The following PDS5A variants were observed in gnomAD, a reference collection of about 807,000 sequenced individuals.
PDS5A encodes PDS5 cohesin associated factor A, also known as sister chromatid cohesion protein PDS5 homolog A.
Under a neutral mutation model 167.1 loss-of-function variants are expected in PDS5A, and 42 were observed. That is an observed-to-expected ratio of 0.25 (90% confidence interval 0.20 to 0.33). The LOEUF (loss-of-function observed/expected upper bound fraction) is 0.33, where lower values mean the gene tolerates loss of function less well. Ranked by LOEUF, PDS5A falls within the 10% of genes least tolerant of loss-of-function variation. The pLI is 1.00. For missense variants in PDS5A, 1,033 were observed against 1,605.9 expected (o/e 0.64, Z 6.10); for synonymous variants, 553 against 554.6 (o/e 1.00, Z 0.04).
intron 2 of PDS5A, among the ~76,000 whole-genome samples, chr4:39,972,810 T>C (rs1365207682): frequency 6.6e-6 from 1 of 151,174 alleles, no homozygotes; most frequent in Non-Finnish European, 1.5e-5. Context: ...ACAGTAAAGA[T>C]TACAAGGAAT....
intron 2 of PDS5A, among the ~76,000 whole-genome samples, chr4:39,952,414 A>C (rs1244807575): frequency 6.6e-6 from 1 of 152,180 alleles, no homozygotes; most frequent in African/African-American, 2.4e-5. Context: ...TGTCTAAATG[A>C]GTTAATTATA....
At chr4:39,923,478 T>C (rs961395909) in intron 5 of PDS5A, among the ~76,000 whole-genome samples, 1 of 151,880 alleles carries the variant, frequency 6.6e-6, no homozygotes, top group African/African-American at 2.4e-5. Flanking sequence ...GGCAAAACCC[T>C]GTCTCTACAA....
At chr4:39,865,767 C>T (rs577941955) in intron 23 of PDS5A, among the ~76,000 whole-genome samples, 12 of 152,368 alleles carry the variant, frequency 7.9e-5, no homozygotes, top group African/African-American at 2.4e-4. Context: ...TACCAAAGTG[C>T]TGGGATTACA....
At chr4:39,849,415 A>C in intron 27 of PDS5A, 105 bp downstream of exon 27, 1 of 742,532 alleles carries the variant, frequency 1.3e-6, no homozygotes, top group Non-Finnish European at 2.2e-6. Flanking sequence ...AAACATTCTA[A>C]AATTTAAATT....
chr4:39,971,330 T>C (rs13104523), intron 2 of PDS5A, among the ~76,000 whole-genome samples: 33,950 of 151,850 alleles, frequency 0.22, 4,770 homozygotes, highest in Middle Eastern at 0.33. Flanking sequence ...AATTTTTTTG[T>C]ATTTTTAGTA....
At chr4:39,929,716 A>G (rs1367115281) in intron 2 of PDS5A, among the ~76,000 whole-genome samples, 1 of 150,162 alleles carries the variant, frequency 6.7e-6, no homozygotes, top group African/African-American at 2.5e-5. Context: ...TTATTCTGCC[A>G]AGATTTTTTA....
At chr4:39,855,420 C>T (rs1197885288) in intron 26 of PDS5A, among the ~76,000 whole-genome samples, 48 of 152,030 alleles carry the variant, frequency 3.2e-4, no homozygotes, top group Admixed American at 3.1e-3. Context: ...TTAAAATGTC[C>T]AATTCCTAAC....
At chr4:39,969,233 C>T (rs908475435) in intron 2 of PDS5A, among the ~76,000 whole-genome samples, 11 of 152,180 alleles carry the variant, frequency 7.2e-5, no homozygotes, top group African/African-American at 9.6e-5. Flanking sequence ...AGGTGACTAG[C>T]GTTGTTCACA....
intron 30 of PDS5A, among the ~76,000 whole-genome samples, chr4:39,842,936 TA>T (rs1717192353): frequency 7.5e-6 from 1 of 134,172 alleles, no homozygotes; most frequent in African/African-American, 2.8e-5. Context: ...TATATATATA[TA>T]TTTTAAGAGA....
At position 39,849,502 on chromosome 4, in the gene PDS5A, G is replaced by A. The variant is rs1384989731; in HGVS notation, c.3219+18C>T. The stretch of plus-strand genomic sequence containing the variant: ...TTCTATTACATCTTAACACCCACTG[G>A]CCTAACACTCATCTTACTTCATTTG... On this transcript the variant is annotated intron_variant, in intron 27 of 32. Transcript: ENST00000303538. 2 of 1,582,656 alleles carry A rather than the reference G, an allele frequency of 1.3e-6. No individual in the cohort carries two copies. The highest frequency in any genetic ancestry group is 3.4e-5 in the Admixed American group (2 of 59,672).
At chr4:39,926,496 C>T (rs1194249195) in intron 4 of PDS5A, among the ~76,000 whole-genome samples, 1 of 125,572 alleles carries the variant, frequency 8.0e-6, no homozygotes, top group Non-Finnish European at 1.7e-5. Flanking sequence ...CCAGTCTTGG[C>T]AACAAGAGTG....
chr4:39,890,811 T>G (rs1355147836), intron 16 of PDS5A, among the ~76,000 whole-genome samples: 1 of 151,990 alleles, frequency 6.6e-6, no homozygotes, highest in African/African-American at 2.4e-5. Flanking sequence ...GAGACGGGGC[T>G]TCACCATGTT....
intron 2 of PDS5A, among the ~76,000 whole-genome samples, chr4:39,945,380 G>A (rs181915990): frequency 6.7e-6 from 1 of 148,178 alleles, no homozygotes; most frequent in East Asian, 2.0e-4. Flanking sequence ...AGAATGGCAT[G>A]AACCCGGGAA....
chr4:39,906,887 G>A (rs1405406927), intron 11 of PDS5A, among the ~76,000 whole-genome samples: 2 of 130,798 alleles, frequency 1.5e-5, no homozygotes, highest in South Asian at 4.9e-4. Flanking sequence ...TATGTAACAG[G>A]TTAGCAAAAG....
At chr4:39,909,370 T>C (rs562826726) in intron 10 of PDS5A, among the ~76,000 whole-genome samples, 1 of 152,304 alleles carries the variant, frequency 6.6e-6, no homozygotes, top group Non-Finnish European at 1.5e-5. Context: ...AGTGATGCAC[T>C]GCCTTGGCCT....
rs1324747476 is a variant in PDS5A at position 39,825,237 on chromosome 4, G to A, written c.*248C>T. Reference sequence around the variant, plus strand: ...TAATTATTGACTTTTCGTAAGAAAAGTCTAGGGGAAGGGGGAGAACAGAGT... The same window carrying A: ...TAATTATTGACTTTTCGTAAGAAAAATCTAGGGGAAGGGGGAGAACAGAGT... On this transcript the variant is annotated 3_prime_UTR_variant, in exon 33 of 33. Transcript: ENST00000303538. The A allele has an allele frequency of 2.6e-6, 1 of 390,648 alleles. No individual in the cohort carries two copies. Among genetic ancestry groups the A allele is most frequent in the African/African-American group, 2.1e-5 (1 of 48,446 alleles). 24.2% of individuals were successfully genotyped at this position (390,648 alleles called of 1,614,324 possible). A position where few individuals can be genotyped will look rare whatever the true frequency, so the allele number is the denominator to read the frequency against.
intron 6 of PDS5A, 38 bp from the exon 7 acceptor site, chr4:39,920,437 T>C (rs1428443080): frequency 1.1e-6 from 1 of 937,728 alleles, no homozygotes; most frequent in Non-Finnish European, 1.7e-6. Context: ...TACAAATAAA[T>C]GTTAATTTAT....
intron 2 of PDS5A, among the ~76,000 whole-genome samples, chr4:39,975,195 G>C (rs1358656854): frequency 6.6e-6 from 1 of 151,758 alleles, no homozygotes; most frequent in Non-Finnish European, 1.5e-5. Context: ...AGAATAGCTT[G>C]AACCTGGGAA....
chr4:39,887,682 A>C (rs895336759), intron 17 of PDS5A, among the ~76,000 whole-genome samples: 1 of 152,204 alleles, frequency 6.6e-6, no homozygotes, highest in Non-Finnish European at 1.5e-5. Flanking sequence ...TTGTGTTAAC[A>C]TCCCAAAAGT....
Sources: allele counts gnomAD v4.1 joint callset (sites outside exome capture counted in the v4.1 genomes callset), GRCh38; gene constraint gnomAD v4.1.1; transcripts MANE v1.5; gene names NCBI Gene and HGNC (gene_info 2026-07-23, HGNC 2026-07-21).